Variants in NCAM1 observed in about 807,000 individuals in gnomAD.
NCAM1 encodes the protein antigen recognized by monoclonal antibody 5.1H11.
A neutral mutation model predicts 109.8 loss-of-function variants in NCAM1; 14 were observed. That is an observed-to-expected ratio of 0.13 (90% confidence interval 0.08 to 0.20). The LOEUF (loss-of-function observed/expected upper bound fraction) is 0.20, where lower values mean the gene tolerates loss of function less well. NCAM1 is among the 10% of genes least tolerant of loss of function. The pLI is 1.00. For synonymous variants in NCAM1, 418 were observed against 442.9 expected, an observed-to-expected ratio of 0.94 and a Z score of 0.70; for missense variants, 774 against 1,109.9, an observed-to-expected ratio of 0.70 and a Z score of 4.30.
intron 9 of NCAM1, 58 bp from the exon 10 acceptor site, chr11:113,231,587 G>A: frequency 3.2e-6 from 5 of 1,559,264 alleles, no homozygotes; most frequent in Non-Finnish European, 4.4e-6. Flanking sequence ...CCATAGCACT[G>A]TTGCCCTTCA....
At chr11:113,081,118 G>A (rs1362893473) in intron 1 of NCAM1, among the ~76,000 whole-genome samples, 11 of 152,202 alleles carry the variant, frequency 7.2e-5, no homozygotes, top group African/African-American at 2.7e-4. Flanking sequence ...TAAGTGGAGG[G>A]AGAGATGATT....
chr11:113,132,022 G>A (rs1315551574), intron 1 of NCAM1, among the ~76,000 whole-genome samples: 2 of 152,182 alleles, frequency 1.3e-5, no homozygotes, highest in African/African-American at 2.4e-5. Context: ...TTCTGTGCTT[G>A]TTTCTGTTCA....
At chr11:113,189,449 CAAAA>C (rs10712434) in intron 1 of NCAM1, among the ~76,000 whole-genome samples, 1 of 118,042 alleles carries the variant, frequency 8.5e-6, no homozygotes, top group Non-Finnish European at 1.8e-5. Flanking sequence ...GATTCTGTCT[CAAAA>C]AAAAAAAAAA....
At chr11:113,015,317 G>A (rs1293451862) in intron 1 of NCAM1, among the ~76,000 whole-genome samples, 2 of 152,248 alleles carry the variant, frequency 1.3e-5, no homozygotes, top group Non-Finnish European at 2.9e-5. Flanking sequence ...AGAGTAGTCA[G>A]CCAAGGCAGC....
intron 9 of NCAM1, among the ~76,000 whole-genome samples, chr11:113,229,059 C>G (rs1944928123): frequency 6.6e-6 from 1 of 152,160 alleles, no homozygotes; most frequent in African/African-American, 2.4e-5. Flanking sequence ...AAAGCAATGG[C>G]AACAAAAGCC....
chr11:113,083,215 C>T (rs1461728366), intron 1 of NCAM1, among the ~76,000 whole-genome samples: 7 of 152,160 alleles, frequency 4.6e-5, no homozygotes, highest in African/African-American at 1.7e-4. Context: ...AAACTCTTTA[C>T]ATCCCTTCTA....
chr11:113,043,440 G>A (rs533777616), intron 1 of NCAM1, among the ~76,000 whole-genome samples: 2 of 152,214 alleles, frequency 1.3e-5, no homozygotes, highest in Admixed American at 6.5e-5. Flanking sequence ...CCATTCAAGC[G>A]ATTCTCCTGC....
Position 113,273,054 on chromosome 11 carries a change from A to G in NCAM1, c.2456+1178A>G, listed in dbSNP as rs1555125810. 6.6e-6 allele frequency: 3 copies of G among 456,320 alleles called. No individual in the cohort carries two copies. The highest frequency in any genetic ancestry group is 1.3e-5 in the Non-Finnish European group (3 of 226,850). 28.3% of individuals were successfully genotyped at this position (456,320 alleles called of 1,614,324 possible). ...TGCTCAGAACAGCCCCACCAGTGAG[A>G]CCACCACCCTGACCTCCAGTATTGC... On this transcript the variant is annotated intron_variant, in intron 19 of 19. Coordinates refer to ENST00000316851, the MANE Select transcript of NCAM1 (RefSeq NM_181351.5). The surrounding 1 kb of genome is among the most constrained non-coding windows in gnomAD (Gnocchi z 6.0).
chr11:113,185,068 T>TTATATATATATATATATATA (rs148340673), intron 1 of NCAM1, among the ~76,000 whole-genome samples: 107 of 99,550 alleles, frequency 1.1e-3, no homozygotes, highest in African/African-American at 3.8e-3. Flanking sequence ...GCATTTATAT[T>TTATATATATATATATATATA]TATATATATA....
At chr11:113,111,813 A>G (rs7107443) in intron 1 of NCAM1, among the ~76,000 whole-genome samples, 86,243 of 151,960 alleles carry the variant, frequency 0.57, 24,858 homozygotes, top group African/African-American at 0.61. Context: ...CTATTTTTTC[A>G]CTCAAAAATG....
At chr11:112,980,728 A>G (rs545422923) in intron 1 of NCAM1, among the ~76,000 whole-genome samples, 2 of 152,000 alleles carry the variant, frequency 1.3e-5, no homozygotes, top group Non-Finnish European at 2.9e-5. Flanking sequence ...AGTGTACATT[A>G]TACCCAATAT....
intron 1 of NCAM1, among the ~76,000 whole-genome samples, chr11:112,974,920 A>G (rs1240724756): frequency 6.6e-6 from 1 of 151,832 alleles, no homozygotes; most frequent in East Asian, 1.9e-4. Flanking sequence ...CTGATGACCT[A>G]TCTCCTTCAG....
intron 8 of NCAM1, among the ~76,000 whole-genome samples, chr11:113,220,050 C>T (rs1388329360): frequency 6.6e-6 from 1 of 152,192 alleles, no homozygotes; most frequent in Non-Finnish European, 1.5e-5. Context: ...GGCATCTTTT[C>T]TATCCTTTTT....
Position 113,233,396 on chromosome 11 carries a change from A to G in NCAM1, c.1693+79A>G. On this transcript the variant is annotated intron_variant, in intron 13 of 19. Coordinates refer to ENST00000316851, the MANE Select transcript of NCAM1 (RefSeq NM_181351.5). This position sits in a 1 kb window ranked among gnomAD's most constrained non-coding sequence, Gnocchi z 4.5. ...GATGTCCCCACCTGCCATCCTGGGC[A>G]TGTTCCTACAGAATCAGGAACTGCA... The G allele has an allele frequency of 7.0e-6, 10 of 1,431,382 alleles. No homozygotes were observed. The highest frequency in any genetic ancestry group is 2.7e-5 in the South Asian group (2 of 73,800). 88.7% of individuals were successfully genotyped at this position (1,431,382 alleles called of 1,614,324 possible).
intron 1 of NCAM1, among the ~76,000 whole-genome samples, chr11:113,013,887 T>C (rs1952139540): frequency 6.6e-6 from 1 of 152,230 alleles, no homozygotes; most frequent in Admixed American, 6.5e-5. Flanking sequence ...TTTTCTTAAG[T>C]GAAATGTTTG....
intron 1 of NCAM1, among the ~76,000 whole-genome samples, chr11:113,038,909 C>T (rs191980837): frequency 1.7e-4 from 26 of 152,218 alleles, no homozygotes; most frequent in Middle Eastern, 3.4e-3. Context: ...GTTGGTGTTC[C>T]AGGAAGGTGT....
intron 17 of NCAM1, among the ~76,000 whole-genome samples, chr11:113,265,459 A>G (rs1160492450): frequency 6.6e-6 from 1 of 152,090 alleles, no homozygotes; most frequent in Non-Finnish European, 1.5e-5. Flanking sequence ...GGTGGTCACT[A>G]TGGGGATGGG....
At chr11:113,250,519 C>T (rs569716121) in intron 15 of NCAM1, among the ~76,000 whole-genome samples, 1 of 152,318 alleles carries the variant, frequency 6.6e-6, no homozygotes, top group East Asian at 1.9e-4. Flanking sequence ...CTAAATCATA[C>T]ATTTTGGACT....
At chr11:113,205,765 A>G (rs1944217755) in intron 4 of NCAM1, 99 bp downstream of exon 4, 2 of 1,459,832 alleles carry the variant, frequency 1.4e-6, no homozygotes, top group Admixed American at 2.1e-5. Flanking sequence ...ACTCCAATTC[A>G]TGTGTGCCCG....
Sources: allele counts gnomAD v4.1 joint callset (sites outside exome capture counted in the v4.1 genomes callset), GRCh38; gene constraint gnomAD v4.1.1; non-coding constraint Gnocchi (gnomAD v3.1); transcripts MANE v1.5; gene names NCBI Gene and HGNC (gene_info 2026-07-23, HGNC 2026-07-21).